Variants in DNAJC15 observed in about 807,000 individuals in gnomAD.
The protein encoded by DNAJC15 is DnaJ heat shock protein family (Hsp40) member C15, also known as dnaJ homolog subfamily C member 15.
A neutral mutation model predicts 22.4 loss-of-function variants in DNAJC15; 27 were observed. The ratio of observed to expected loss-of-function variants is 1.20; its 90% CI spans 0.89 to 1.66. DNAJC15 has a LOEUF of 1.66. DNAJC15 is among the 40% of genes most tolerant of loss of function. The pLI, the probability that DNAJC15 is intolerant of heterozygous loss-of-function variation, is 0.00. For missense variants in DNAJC15, 208 were observed against 187.1 expected, an observed-to-expected ratio of 1.11 and a Z score of -0.65; for synonymous variants, 79 against 63.2, an observed-to-expected ratio of 1.25 and a Z score of -1.19.
intron 1 of DNAJC15, among the ~76,000 whole-genome samples, chr13:43,026,162 G>A (rs1411231897): frequency 6.6e-6 from 1 of 152,094 alleles, no homozygotes; most frequent in Non-Finnish European, 1.5e-5. Flanking sequence ...GTAAAAACTT[G>A]AACAAAACAG....
chr13:43,106,769 A>G (rs1352813376), intron 5 of DNAJC15, among the ~76,000 whole-genome samples: 1 of 151,308 alleles, frequency 6.6e-6, no homozygotes, highest in African/African-American at 2.4e-5. Context: ...CTTCAAAAAG[A>G]TACCCGTTTT....
Position 43,095,069 on chromosome 13 carries a change from T to A in DNAJC15, c.382+9231T>A, listed in dbSNP as rs140718025. Among the ~76,000 whole-genome samples the A allele has an allele frequency of 8.7e-4, 133 of 152,226 alleles. 1 individual carries two copies. The highest frequency in any genetic ancestry group is 3.0e-3 in the African/African-American group (125 of 41,534). On this transcript the variant is annotated intron_variant, in intron 5 of 5. Transcript: ENST00000379221. ...TTTTTAGTTGCTTTTAGTGTGAGCA[T>A]CTAACACACTACTCCATCATAACCA... is the stretch of plus-strand genomic sequence containing the variant.
intron 3 of DNAJC15, among the ~76,000 whole-genome samples, chr13:43,078,021 T>C (rs1451705266): frequency 6.6e-6 from 1 of 152,212 alleles, no homozygotes; most frequent in Admixed American, 6.5e-5. Flanking sequence ...TGCTCTGGCT[T>C]CTCCTCCCAC....
chr13:43,043,200 CG>C (rs1566202342), intron 1 of DNAJC15, among the ~76,000 whole-genome samples: 1 of 152,196 alleles, frequency 6.6e-6, no homozygotes, highest in East Asian at 1.9e-4. Flanking sequence ...CTCCGTCTCC[CG>C]GGTTCAAGCG....
chr13:43,088,974 A>T (rs2040701977), intron 5 of DNAJC15, among the ~76,000 whole-genome samples: 1 of 151,498 alleles, frequency 6.6e-6, no homozygotes, highest in Admixed American at 6.6e-5. Flanking sequence ...ATTTTGTTTT[A>T]TGCATTGATT....
intron 5 of DNAJC15, 57 bp downstream of exon 5, chr13:43,085,895 T>C: frequency 6.7e-7 from 1 of 1,485,806 alleles, no homozygotes; most frequent in Non-Finnish European, 9.3e-7. Flanking sequence ...GTGAATTCCT[T>C]TCAGATTAAA....
chr13:43,031,266 A>G (rs1401559002), intron 1 of DNAJC15, among the ~76,000 whole-genome samples: 1 of 152,256 alleles, frequency 6.6e-6, no homozygotes, highest in Non-Finnish European at 1.5e-5. Context: ...GGTTATATCA[A>G]GGAAGAAAAA....
rs186793824 is a variant in DNAJC15, at chr13:43,063,128, G to A, written c.109-2558G>A. 2.6e-5 allele frequency among the ~76,000 whole-genome samples: 4 copies of A among 152,184 alleles called. No homozygotes were observed. The East Asian group carries it at 7.7e-4, about 29-fold the overall frequency. On this transcript the variant is annotated intron_variant, in intron 1 of 5. Transcript: ENST00000379221. ...AGGTTCAAGTGACTCTCATGCCTCA[G>A]CCTCCTGAGTAGCTGGGATTACAGG... is the stretch of plus-strand genomic sequence containing the variant.
chr13:43,078,226 C>T (rs2040644528), intron 3 of DNAJC15, among the ~76,000 whole-genome samples: 2 of 152,166 alleles, frequency 1.3e-5, no homozygotes, highest in Admixed American at 6.6e-5. Flanking sequence ...CCTCCCCATT[C>T]TCTGTTGGCT....
intron 4 of DNAJC15, among the ~76,000 whole-genome samples, chr13:43,083,311 G>A (rs2040672432): frequency 6.6e-6 from 1 of 151,986 alleles, no homozygotes; most frequent in Non-Finnish European, 1.5e-5. Context: ...GGGACCACAG[G>A]CGCCCGCCAC....
intron 3 of DNAJC15, among the ~76,000 whole-genome samples, chr13:43,070,660 A>G (rs542715299): frequency 2.0e-5 from 3 of 152,280 alleles, no homozygotes; most frequent in Admixed American, 6.5e-5. Context: ...GATCACTGCA[A>G]AGGTCCTGAG....
intron 1 of DNAJC15, among the ~76,000 whole-genome samples, chr13:43,064,386 G>C (rs1321732401): frequency 6.6e-6 from 1 of 152,100 alleles, no homozygotes; most frequent in African/African-American, 2.4e-5. Flanking sequence ...TGGCTTTTTG[G>C]TTTTAGCCTC....
At chr13:43,080,108 G>A (rs1034443433) in intron 4 of DNAJC15, among the ~76,000 whole-genome samples, 4 of 151,948 alleles carry the variant, frequency 2.6e-5, no homozygotes, top group South Asian at 4.1e-4. Context: ...AGGGTTACAC[G>A]TGCAGGTTTA....
intron 5 of DNAJC15, among the ~76,000 whole-genome samples, chr13:43,104,424 C>T (rs2040786230): frequency 1.3e-5 from 2 of 152,302 alleles, no homozygotes; most frequent in African/African-American, 4.8e-5. Context: ...GACTTGGTAG[C>T]CCTCCAGTGC....
rs1179725991 is a variant in DNAJC15, at chr13:43,109,411, A to G, written c.*2163A>G. The G allele has an allele frequency of 6.6e-6, 1 of 152,224 alleles. No individual in the cohort carries two copies. Among genetic ancestry groups the G allele is most frequent in the Non-Finnish European group, 1.5e-5 (1 of 68,042 alleles). 9.4% of individuals were successfully genotyped at this position (152,224 alleles called of 1,614,324 possible). ...TGTTGCTGTTTTCTGAATACTATGCATCAAAAAATGTTACCACTAATTTTT... is the reference window on the plus strand; with the variant it reads ...TGTTGCTGTTTTCTGAATACTATGCGTCAAAAAATGTTACCACTAATTTTT... On this transcript the variant is annotated 3_prime_UTR_variant, in exon 6 of 6. Transcript: ENST00000379221.
chr13:43,086,315 T>G (rs1194918460), intron 5 of DNAJC15, among the ~76,000 whole-genome samples: 1 of 152,194 alleles, frequency 6.6e-6, no homozygotes, highest in Non-Finnish European at 1.5e-5. Context: ...CTGGCCAGGT[T>G]TTTAATGTAA....
chr13:43,084,505 A>C (rs1039860715), intron 4 of DNAJC15, among the ~76,000 whole-genome samples: 1 of 152,194 alleles, frequency 6.6e-6, no homozygotes, highest in Admixed American at 6.5e-5. Context: ...TTTAGCTATT[A>C]TGTTGTGGTT....
chr13:43,092,525 T>A (rs1029722187), intron 5 of DNAJC15, among the ~76,000 whole-genome samples: 1 of 152,086 alleles, frequency 6.6e-6, no homozygotes, highest in African/African-American at 2.4e-5. Flanking sequence ...TATATATATA[T>A]AAATGTTACT....
At chr13:43,033,984 T>C (rs1286372708) in intron 1 of DNAJC15, among the ~76,000 whole-genome samples, 2 of 150,426 alleles carry the variant, frequency 1.3e-5, no homozygotes, top group East Asian at 1.9e-4. Context: ...CCCGAGATCA[T>C]GTTATTGCGC....
Sources: gnomAD v4.1 joint callset for allele counts (sites outside exome capture counted in the v4.1 genomes callset) on GRCh38, gnomAD v4.1.1 for gene constraint, MANE v1.5 for transcripts, NCBI Gene and HGNC (gene_info 2026-07-23, HGNC 2026-07-21) for gene names.